The following SLIT1 variants were observed in gnomAD, a reference collection of about 807,000 sequenced individuals.
SLIT1 encodes the protein slit homolog 1 protein.
Under a neutral mutation model 186.1 loss-of-function variants are expected in SLIT1, and 66 were observed. The ratio of observed to expected loss-of-function variants is 0.35; its 90% CI spans 0.29 to 0.44. The LOEUF (loss-of-function observed/expected upper bound fraction) is 0.44, where lower values mean the gene tolerates loss of function less well. Ranked by LOEUF, SLIT1 falls within the 20% of genes least tolerant of loss-of-function variation. The pLI, the probability that SLIT1 is intolerant of heterozygous loss-of-function variation, is 1.00. For missense variants in SLIT1, 1,638 were observed against 2,037.4 expected (o/e 0.80, Z 3.77); for synonymous variants, 761 against 833.8 (o/e 0.91, Z 1.50).
At chr10:97,011,344 T>C (rs1848408950) in intron 30 of SLIT1, among the ~76,000 whole-genome samples, 1 of 152,032 alleles carries the variant, frequency 6.6e-6, no homozygotes, top group Admixed American at 6.5e-5. Flanking sequence ...AGAAGAGAGC[T>C]CATGTGGACT....
At chr10:97,152,178 C>T (rs549020896) in intron 4 of SLIT1, among the ~76,000 whole-genome samples, 11 of 152,254 alleles carry the variant, frequency 7.2e-5, no homozygotes, top group African/African-American at 1.4e-4. Flanking sequence ...GCCAAGGTCA[C>T]GGCCCTCCTG....
chr10:97,088,492 G>A (rs971526442), intron 4 of SLIT1, among the ~76,000 whole-genome samples: 2 of 152,202 alleles, frequency 1.3e-5, no homozygotes, highest in Non-Finnish European at 2.9e-5. Flanking sequence ...GGTGACATCT[G>A]ACCAGTCTGG....
chr10:97,091,891 C>A (rs547493121), intron 4 of SLIT1, among the ~76,000 whole-genome samples: 1 of 152,336 alleles, frequency 6.6e-6, no homozygotes, highest in African/African-American at 2.4e-5. Flanking sequence ...CAGTCTTTTA[C>A]AGGCCAGAAC....
At chr10:97,063,291 A>AG (rs1848910176) in intron 8 of SLIT1, among the ~76,000 whole-genome samples, 164 bp downstream of exon 8, 1 of 148,842 alleles carries the variant, frequency 6.7e-6, no homozygotes. Context: ...TAGTGGGGTC[A>AG]GGAGGTGATG....
intron 4 of SLIT1, among the ~76,000 whole-genome samples, chr10:97,091,965 G>A (rs575104277): frequency 6.6e-6 from 1 of 152,250 alleles, no homozygotes; most frequent in Admixed American, 6.5e-5. Context: ...AAAGGACAAA[G>A]GGCAACCTTG....
At chr10:97,105,983 G>A (rs951026321) in intron 4 of SLIT1, among the ~76,000 whole-genome samples, 7 of 152,214 alleles carry the variant, frequency 4.6e-5, no homozygotes, top group Admixed American at 3.9e-4. Context: ...CCCGCAGATG[G>A]TACCCATGGT....
chr10:97,029,425 G>A (rs1016465184), intron 25 of SLIT1, among the ~76,000 whole-genome samples: 1 of 152,166 alleles, frequency 6.6e-6, no homozygotes, highest in African/African-American at 2.4e-5. Context: ...TGAGGATGGG[G>A]CTGACAGCAA....
intron 30 of SLIT1, among the ~76,000 whole-genome samples, chr10:97,013,213 G>A (rs954755426): frequency 1.3e-5 from 2 of 152,148 alleles, no homozygotes; most frequent in African/African-American, 2.4e-5. Context: ...TTCACATTAC[G>A]TGGGATGAAT....
chr10:97,096,447 G>A (rs1430409022), intron 4 of SLIT1, among the ~76,000 whole-genome samples: 1 of 151,868 alleles, frequency 6.6e-6, no homozygotes, highest in East Asian at 1.9e-4. Context: ...GCGCACCTCT[G>A]GCAGAGCTGC....
intron 25 of SLIT1, among the ~76,000 whole-genome samples, chr10:97,027,961 G>A (rs1418548238): frequency 2.0e-5 from 3 of 152,118 alleles, no homozygotes; most frequent in Non-Finnish European, 4.4e-5. Flanking sequence ...TGCTGAAAAG[G>A]CTAAGGTGGA....
chr10:97,144,190 T>A (rs1849793826), intron 4 of SLIT1, among the ~76,000 whole-genome samples: 1 of 60,718 alleles, frequency 1.6e-5, no homozygotes, highest in African/African-American at 4.8e-5. Flanking sequence ...AGAGTGAGAC[T>A]CCATCTCAAA....
intron 4 of SLIT1, among the ~76,000 whole-genome samples, chr10:97,095,543 C>T (rs894564644): frequency 1.3e-5 from 2 of 152,202 alleles, no homozygotes; most frequent in African/African-American, 4.8e-5. Flanking sequence ...AGGGATAGGA[C>T]TGAATCCCGT....
At chr10:97,160,826 T>C (rs1315519769) in intron 3 of SLIT1, among the ~76,000 whole-genome samples, 1 of 152,174 alleles carries the variant, frequency 6.6e-6, no homozygotes, top group African/African-American at 2.4e-5. Flanking sequence ...GTTCAAGTGA[T>C]TCTCCTGCCT....
intron 1 of SLIT1, among the ~76,000 whole-genome samples, chr10:97,176,258 G>T (rs1402407926): frequency 1.3e-5 from 2 of 152,098 alleles, no homozygotes; most frequent in Non-Finnish European, 2.9e-5. Flanking sequence ...AGGAGTAAAA[G>T]AAGGAACTCA....
chr10:97,012,075 TACACACACACAC>T (rs35171328), intron 30 of SLIT1, among the ~76,000 whole-genome samples: 17,791 of 130,894 alleles, frequency 0.14, 1,248 homozygotes, highest in East Asian at 0.32. Context: ...TCAAGCCCAG[TACACACACACAC>T]ACACACACAC....
intron 4 of SLIT1, among the ~76,000 whole-genome samples, chr10:97,143,144 G>A (rs768833979): frequency 6.6e-6 from 1 of 152,194 alleles, no homozygotes; most frequent in Non-Finnish European, 1.5e-5. Context: ...ATATCCAAAA[G>A]AATTGAAAGC....
Position 97,133,139 on chromosome 10 carries a change from C to T in SLIT1, c.413+24679G>A, listed in dbSNP as rs182496105. On this transcript the variant is annotated intron_variant, in intron 4 of 36. Transcript: ENST00000266058. The stretch of plus-strand genomic sequence containing the variant: ...GTCCATCCACAGTTGAATGGATGAA[C>T]AAAATGTGTACAGACAATGGAATAT... Among the ~76,000 whole-genome samples, 978 of 152,072 alleles carry T rather than the reference C, an allele frequency of 6.4e-3. 4 individuals carry two copies. Among genetic ancestry groups the T allele is most frequent in the Non-Finnish European group, 0.01 (682 of 67,996 alleles).
rs906670158 is a variant in SLIT1 at position 97,163,549 on chromosome 10, G to C, written c.270-98C>G. ...CGGGGCAGAGGCAACCTCTGCCAGG[G>C]CAGCATTAGCAAGGGAGTAAGACAG... is the stretch of plus-strand genomic sequence containing the variant. On this transcript the variant is annotated intron_variant, in intron 2 of 36. Coordinates refer to ENST00000266058, the MANE Select transcript of SLIT1 (RefSeq NM_003061.3). 5.2e-6 allele frequency: 5 copies of C among 957,184 alleles called. No individual in the cohort carries two copies. In the Admixed American group the frequency reaches 6.9e-5, roughly 13 times the overall value. The allele number at this position is 957,184 out of a possible 1,614,324, so 59.3% of individuals were successfully genotyped here.
At chr10:97,067,602 G>A (rs1848960196) in intron 4 of SLIT1, among the ~76,000 whole-genome samples, 1 of 152,202 alleles carries the variant, frequency 6.6e-6, no homozygotes, top group Non-Finnish European at 1.5e-5. Context: ...CAGAGCCCTG[G>A]CTTGTGCGGC....
Sources: gnomAD v4.1 joint callset for allele counts (sites outside exome capture counted in the v4.1 genomes callset) on GRCh38, gnomAD v4.1.1 for gene constraint, MANE v1.5 for transcripts, NCBI Gene and HGNC (gene_info 2026-07-23, HGNC 2026-07-21) for gene names.